OPCML: variants seen among roughly 807,000 people sequenced by gnomAD.
The protein encoded by OPCML is opioid-binding protein/cell adhesion molecule.
In OPCML, 13 loss-of-function variants were observed where a neutral mutation model predicts 37.8. The ratio of observed to expected loss-of-function variants is 0.34; its 90% CI spans 0.22 to 0.55. The LOEUF (loss-of-function observed/expected upper bound fraction) is 0.55. Among genes scored for constraint, OPCML ranks in the 20% least tolerant of loss-of-function variants. The pLI is 0.91. For synonymous variants in OPCML, 176 were observed against 168.8 expected (o/e 1.04, Z -0.33); for missense variants, 341 against 435.6 (o/e 0.78, Z 1.93).
chr11:132,935,619 T>C (rs1945343529), intron 2 of OPCML, among the ~76,000 whole-genome samples: 1 of 152,326 alleles, frequency 6.6e-6, no homozygotes, highest in South Asian at 2.1e-4. Context: ...ACCTTCAGCA[T>C]CTCTTTGATT....
chr11:133,063,111 C>G (rs1230452647), intron 1 of OPCML, among the ~76,000 whole-genome samples: 1 of 152,216 alleles, frequency 6.6e-6, no homozygotes. Flanking sequence ...AGTCCAGAGA[C>G]CAGCCTTCGC....
chr11:133,420,960 C>T, intron 1 of OPCML: 1 of 985,100 alleles, frequency 1.0e-6, no homozygotes, highest in Non-Finnish European at 1.2e-6. Context: ...GATTTTTAGT[C>T]AGGTGGGTGC....
At chr11:132,524,460 T>C (rs2096302753) in intron 4 of OPCML, among the ~76,000 whole-genome samples, 1 of 152,214 alleles carries the variant, frequency 6.6e-6, no homozygotes, top group Admixed American at 6.5e-5. Context: ...AGCAGATCTA[T>C]ATAAATATTT....
At chr11:132,594,454 G>T (rs10791238) in intron 3 of OPCML, among the ~76,000 whole-genome samples, 50,210 of 151,938 alleles carry the variant, frequency 0.33, 9,932 homozygotes, top group Non-Finnish European at 0.46. Flanking sequence ...TGGAGTAATA[G>T]TATGTATATA....
At chr11:132,503,511 A>G (rs1409290346) in intron 4 of OPCML, among the ~76,000 whole-genome samples, 1 of 152,082 alleles carries the variant, frequency 6.6e-6, no homozygotes, top group East Asian at 1.9e-4. Context: ...CATTAAAAAT[A>G]TGGTGTGTCT....
intron 2 of OPCML, among the ~76,000 whole-genome samples, chr11:132,886,504 G>A (rs1373167128): frequency 1.3e-5 from 2 of 152,250 alleles, no homozygotes; most frequent in Non-Finnish European, 1.5e-5. Flanking sequence ...CCAGCTGGGG[G>A]CCTCTCCAGC....
At chr11:132,532,623 C>G (rs2096328859) in intron 3 of OPCML, among the ~76,000 whole-genome samples, 1 of 152,104 alleles carries the variant, frequency 6.6e-6, no homozygotes, top group Middle Eastern at 3.2e-3. Context: ...TTGATCAATT[C>G]CCCAAACACA....
intron 2 of OPCML, among the ~76,000 whole-genome samples, chr11:132,786,937 G>T (rs1306382899): frequency 6.6e-6 from 1 of 152,152 alleles, no homozygotes; most frequent in Non-Finnish European, 1.5e-5. Flanking sequence ...GTGGGGCATG[G>T]AGTAGGAAGT....
At chr11:132,694,748 T>C (rs545754435) in intron 2 of OPCML, among the ~76,000 whole-genome samples, 13 of 152,104 alleles carry the variant, frequency 8.5e-5, no homozygotes, top group Non-Finnish European at 1.6e-4. Flanking sequence ...TTCTGTCCAA[T>C]AAGAAGAAGA....
At chr11:133,522,160 T>G (rs534048510) in intron 1 of OPCML, among the ~76,000 whole-genome samples, 1 of 152,344 alleles carries the variant, frequency 6.6e-6, no homozygotes, top group South Asian at 2.1e-4. Flanking sequence ...ATTTGTACAC[T>G]CTAAGCCACC....
intron 1 of OPCML, among the ~76,000 whole-genome samples, chr11:133,052,216 A>C (rs1948145293): frequency 6.6e-6 from 1 of 152,244 alleles, no homozygotes; most frequent in African/African-American, 2.4e-5. Context: ...TATAGTTAGG[A>C]CGAATAATGA....
At position 133,427,635 on chromosome 11, in the gene OPCML, T is replaced by G. The variant is rs566995752; in HGVS notation, c.61+104629A>C. Among the ~76,000 whole-genome samples the G allele has an allele frequency of 1.1e-3, 162 of 152,090 alleles. 2 individuals carry two copies. The highest frequency in any genetic ancestry group is 3.6e-3 in the African/African-American group (148 of 41,506). On this transcript the variant is annotated intron_variant, in intron 1 of 7. Transcript: ENST00000524381. ...GATTTAGAAAATATTCTTTAAATCATAAGAAAATGCTACATACAATTCCAG... is the reference window on the plus strand; with the variant it reads ...GATTTAGAAAATATTCTTTAAATCAGAAGAAAATGCTACATACAATTCCAG...
chr11:133,191,228 T>C (rs983611969), intron 1 of OPCML, among the ~76,000 whole-genome samples: 7 of 152,198 alleles, frequency 4.6e-5, no homozygotes, highest in African/African-American at 1.7e-4. Flanking sequence ...TGATCAGTGA[T>C]GACAAGCATC....
At chr11:132,469,274 T>C (rs185580947) in intron 4 of OPCML, among the ~76,000 whole-genome samples, 75 of 152,124 alleles carry the variant, frequency 4.9e-4, no homozygotes, top group Middle Eastern at 3.4e-3. Flanking sequence ...TGAAACAAGG[T>C]GATGCTTTAG....
At chr11:132,871,456 A>C (rs2725468) in intron 2 of OPCML, among the ~76,000 whole-genome samples, 18,783 of 152,260 alleles carry the variant, frequency 0.12, 1,414 homozygotes, top group South Asian at 0.3. Context: ...CAATATCATG[A>C]CTGTTTACAT....
intron 1 of OPCML, chr11:133,422,823 G>T: frequency 2.2e-6 from 2 of 905,426 alleles, no homozygotes; most frequent in Non-Finnish European, 1.3e-6. Flanking sequence ...GAATCAGAAA[G>T]TATTCTCAAA....
At chr11:133,509,269 G>A (rs1948104010) in intron 1 of OPCML, among the ~76,000 whole-genome samples, 1 of 152,108 alleles carries the variant, frequency 6.6e-6, no homozygotes, top group African/African-American at 2.4e-5. Flanking sequence ...GCCTCCCTGT[G>A]TCCATATGTT....
At chr11:132,968,936 G>T (rs1456206517) in intron 1 of OPCML, among the ~76,000 whole-genome samples, 1 of 152,028 alleles carries the variant, frequency 6.6e-6, no homozygotes, top group African/African-American at 2.4e-5. Flanking sequence ...TCCTTGCCTT[G>T]TTTCTCATCT....
intron 1 of OPCML, among the ~76,000 whole-genome samples, chr11:133,217,129 G>T (rs2136353427): frequency 6.6e-6 from 1 of 152,156 alleles, no homozygotes; most frequent in South Asian, 2.1e-4. Flanking sequence ...CAGAGAGCAG[G>T]TACAGCCTCT....
Sources: gnomAD v4.1 joint callset for allele counts (sites outside exome capture counted in the v4.1 genomes callset) on GRCh38, gnomAD v4.1.1 for gene constraint, MANE v1.5 for transcripts, NCBI Gene and HGNC (gene_info 2026-07-23, HGNC 2026-07-21) for gene names.